WDR70: variants seen among roughly 807,000 people sequenced by gnomAD.
The protein encoded by WDR70 is WD repeat-containing protein 70.
Under a neutral mutation model 88.6 loss-of-function variants are expected in WDR70, and 53 were observed. The observed-to-expected ratio is 0.60, with a 90% CI of 0.48 to 0.75. The LOEUF (loss-of-function observed/expected upper bound fraction) is 0.75, where lower values mean the gene tolerates loss of function less well. Among genes scored for constraint, WDR70 ranks in the 30% least tolerant of loss-of-function variants. The pLI is 0.00. For synonymous variants in WDR70, 280 were observed against 270.0 expected (o/e 1.04, Z -0.36); for missense variants, 610 against 823.2 (o/e 0.74, Z 3.17).
intron 17 of WDR70, among the ~76,000 whole-genome samples, chr5:37,738,727 T>C (rs1423380438): frequency 6.6e-6 from 1 of 152,216 alleles, no homozygotes. Flanking sequence ...TATTTTTCTG[T>C]AGCATACAGT....
chr5:37,696,491 A>G (rs888842572), intron 10 of WDR70, among the ~76,000 whole-genome samples: 2 of 152,206 alleles, frequency 1.3e-5, no homozygotes, highest in African/African-American at 4.8e-5. Flanking sequence ...TACAAGAGCA[A>G]TGGAGATGAG....
At chr5:37,694,587 A>G (rs530436746) in intron 10 of WDR70, among the ~76,000 whole-genome samples, 9 of 152,288 alleles carry the variant, frequency 5.9e-5, no homozygotes, top group African/African-American at 1.2e-4. Context: ...TCAGCAAACT[A>G]TGACAAGGAC....
chr5:37,634,506 G>C (rs532130950), intron 10 of WDR70, among the ~76,000 whole-genome samples: 1 of 152,176 alleles, frequency 6.6e-6, no homozygotes, highest in South Asian at 2.1e-4. Flanking sequence ...TTGGAGTGGC[G>C]TGATATGGAG....
intron 7 of WDR70, among the ~76,000 whole-genome samples, chr5:37,465,176 T>C (rs1739115339): frequency 6.6e-6 from 1 of 152,248 alleles, no homozygotes; most frequent in Non-Finnish European, 1.5e-5. Flanking sequence ...AAGGATACCA[T>C]GGGGCCAGAG....
chr5:37,549,200 G>A (rs922829920), intron 9 of WDR70, among the ~76,000 whole-genome samples: 15 of 152,176 alleles, frequency 9.9e-5, no homozygotes, highest in African/African-American at 3.6e-4. Flanking sequence ...GATAGGGATT[G>A]CATTGAATCT....
intron 9 of WDR70, among the ~76,000 whole-genome samples, chr5:37,556,312 A>G (rs1306816669): frequency 6.6e-6 from 1 of 152,126 alleles, no homozygotes; most frequent in African/African-American, 2.4e-5. Context: ...TCTAGTTTTT[A>G]TCTTCTAATA....
chr5:37,616,801 A>G (rs1408026233), intron 10 of WDR70, among the ~76,000 whole-genome samples: 1 of 152,202 alleles, frequency 6.6e-6, no homozygotes, highest in Non-Finnish European at 1.5e-5. Flanking sequence ...ATATTTGTTG[A>G]ATAAATGAAT....
chr5:37,403,687 C>T (rs1749269141), intron 5 of WDR70, among the ~76,000 whole-genome samples: 1 of 151,882 alleles, frequency 6.6e-6, no homozygotes, highest in Admixed American at 6.6e-5. Context: ...TTAAAAAGAA[C>T]CTTTCTTTAA....
At chr5:37,434,187 A>G (rs771864915) in intron 5 of WDR70, among the ~76,000 whole-genome samples, 15 of 152,136 alleles carry the variant, frequency 9.9e-5, no homozygotes, top group Non-Finnish European at 2.2e-4. Context: ...GAAATGTCAA[A>G]TGCTTATAAA....
At chr5:37,520,089 T>C (rs1169791856) in intron 9 of WDR70, among the ~76,000 whole-genome samples, 1 of 152,196 alleles carries the variant, frequency 6.6e-6, no homozygotes, top group African/African-American at 2.4e-5. Context: ...TATGATTACA[T>C]AGAAAATTAC....
At chr5:37,545,259 A>G (rs932207378) in intron 9 of WDR70, among the ~76,000 whole-genome samples, 1 of 152,138 alleles carries the variant, frequency 6.6e-6, no homozygotes, top group African/African-American at 2.4e-5. Flanking sequence ...TGCTTCTAAT[A>G]CAGTGGAGAT....
intron 9 of WDR70, among the ~76,000 whole-genome samples, chr5:37,590,727 A>G (rs938878551): frequency 6.6e-6 from 1 of 152,074 alleles, no homozygotes; most frequent in Non-Finnish European, 1.5e-5. Flanking sequence ...CAGCCACTAG[A>G]AGCTTGAAAA....
chr5:37,607,458 C>T (rs1744065435), intron 10 of WDR70, among the ~76,000 whole-genome samples: 1 of 152,098 alleles, frequency 6.6e-6, no homozygotes, highest in Admixed American at 6.5e-5. Flanking sequence ...ATTAGATCAA[C>T]TTGAACTTCA....
At chr5:37,492,155 A>G (rs555033984) in intron 8 of WDR70, among the ~76,000 whole-genome samples, 1 of 152,342 alleles carries the variant, frequency 6.6e-6, no homozygotes, top group Admixed American at 6.5e-5. Flanking sequence ...TCAAAAGACA[A>G]AGCTAGGAGG....
At chr5:37,681,431 G>A (rs1041454730) in intron 10 of WDR70, among the ~76,000 whole-genome samples, 1 of 152,074 alleles carries the variant, frequency 6.6e-6, no homozygotes, top group African/African-American at 2.4e-5. Flanking sequence ...TCTTTCTCTT[G>A]CCTGATTCCT....
chr5:37,671,935 T>C (rs1473614059), intron 10 of WDR70, among the ~76,000 whole-genome samples: 6 of 152,208 alleles, frequency 3.9e-5, no homozygotes, highest in Non-Finnish European at 8.8e-5. Context: ...TGTGTCTATG[T>C]AGAAAAGGAA....
intron 6 of WDR70, among the ~76,000 whole-genome samples, chr5:37,440,079 A>G (rs1166655212): frequency 6.6e-6 from 1 of 152,176 alleles, no homozygotes; most frequent in Non-Finnish European, 1.5e-5. Flanking sequence ...AGTTTGTTCA[A>G]ATCAGTCTCT....
intron 10 of WDR70, among the ~76,000 whole-genome samples, chr5:37,691,645 G>T (rs1746797242): frequency 6.6e-6 from 1 of 152,156 alleles, no homozygotes; most frequent in African/African-American, 2.4e-5. Context: ...CAGAAATAAA[G>T]ATGTTCTTTG....
At chr5:37,716,658 G>A (rs181855003) in intron 13 of WDR70, among the ~76,000 whole-genome samples, 1 of 151,748 alleles carries the variant, frequency 6.6e-6, no homozygotes, top group East Asian at 1.9e-4. Flanking sequence ...TATTAATTTT[G>A]TAGTATTTGT....
Sources: gnomAD v4.1 joint callset for allele counts (sites outside exome capture counted in the v4.1 genomes callset) on GRCh38, gnomAD v4.1.1 for gene constraint, MANE v1.5 for transcripts, NCBI Gene and HGNC (gene_info 2026-07-23, HGNC 2026-07-21) for gene names.